Variants in SCHIP1 observed in about 807,000 individuals in gnomAD.
SCHIP1 encodes schwannomin-interacting protein 1.
SCHIP1 carries 8 observed loss-of-function variants against 29.7 expected under a neutral mutation model. The ratio of observed to expected loss-of-function variants is 0.27; its 90% CI spans 0.16 to 0.49. The LOEUF (loss-of-function observed/expected upper bound fraction) is 0.49. Among genes scored for constraint, SCHIP1 ranks in the 20% least tolerant of loss-of-function variants. SCHIP1 has a pLI of 0.99. For synonymous variants in SCHIP1, 76 were observed against 94.9 expected (o/e 0.80, Z 1.16); for missense variants, 193 against 294.6 (o/e 0.66, Z 2.52).
At chr3:159,575,665 G>C in the SCHIP1 span, among the ~76,000 whole-genome samples, 1 of 152,024 alleles carries the variant, frequency 6.6e-6, no homozygotes, top group Non-Finnish European at 1.5e-5. Context: ...AAACTCTTAG[G>C]CTCAAGTGAT....
chr3:159,895,755 G>A (rs773917199), intron 6 of SCHIP1, among the ~76,000 whole-genome samples: 1 of 152,292 alleles, frequency 6.6e-6, no homozygotes, highest in South Asian at 2.1e-4. Flanking sequence ...GAGTGCAATG[G>A]CATGATCTTG....
At chr3:159,711,731 C>G in the SCHIP1 span, among the ~76,000 whole-genome samples, 2 of 152,134 alleles carry the variant, frequency 1.3e-5, no homozygotes, top group African/African-American at 4.8e-5. Flanking sequence ...ACCACTCTAG[C>G]TATTTTAAGC....
chr3:159,476,599 A>G, the SCHIP1 span, among the ~76,000 whole-genome samples: 1 of 152,174 alleles, frequency 6.6e-6, no homozygotes, highest in Non-Finnish European at 1.5e-5. Flanking sequence ...CACAATAAAA[A>G]CTAGACCATT....
At chr3:159,809,168 T>C in the SCHIP1 span, among the ~76,000 whole-genome samples, 1 of 139,106 alleles carries the variant, frequency 7.2e-6, no homozygotes. Flanking sequence ...CCCCAGTGTG[T>C]GATGTTCCCT....
At chr3:159,693,556 C>T in the SCHIP1 span, among the ~76,000 whole-genome samples, 1 of 152,176 alleles carries the variant, frequency 6.6e-6, no homozygotes, top group African/African-American at 2.4e-5. Context: ...TATAGTGTCT[C>T]TTTCAGCTAG....
the SCHIP1 span, among the ~76,000 whole-genome samples, chr3:159,341,401 C>G: frequency 2.0e-5 from 3 of 152,108 alleles, no homozygotes; most frequent in Non-Finnish European, 1.5e-5. Flanking sequence ...TCTTTCTCAG[C>G]TTTTCTTGTC....
At chr3:159,714,773 C>T in the SCHIP1 span, among the ~76,000 whole-genome samples, 1 of 152,226 alleles carries the variant, frequency 6.6e-6, no homozygotes, top group African/African-American at 2.4e-5. Context: ...GAGCCCACCT[C>T]AGCTCAAGGA....
chr3:159,865,796 A>C (rs1714559106), intron 1 of SCHIP1, among the ~76,000 whole-genome samples: 1 of 152,228 alleles, frequency 6.6e-6, no homozygotes, highest in African/African-American at 2.4e-5. Context: ...GAAAGGGCAC[A>C]TTTGGGATCA....
chr3:159,816,761 C>G, the SCHIP1 span, among the ~76,000 whole-genome samples: 1 of 152,230 alleles, frequency 6.6e-6, no homozygotes, highest in African/African-American at 2.4e-5. Flanking sequence ...CCCTTGTACT[C>G]TAACAAAACC....
the SCHIP1 span, among the ~76,000 whole-genome samples, chr3:159,279,409 G>A: frequency 5.3e-5 from 8 of 152,028 alleles, no homozygotes; most frequent in South Asian, 2.1e-4. Context: ...ACCCAGTCTC[G>A]GATATTTCTT....
At chr3:159,540,287 C>T in the SCHIP1 span, among the ~76,000 whole-genome samples, 5 of 152,038 alleles carry the variant, frequency 3.3e-5, no homozygotes, top group Non-Finnish European at 7.4e-5. Flanking sequence ...TAGAAAGGTA[C>T]TTTCTTTCCT....
the SCHIP1 span, among the ~76,000 whole-genome samples, chr3:159,724,171 C>T: frequency 3.3e-5 from 5 of 152,118 alleles, no homozygotes; most frequent in African/African-American, 1.2e-4. Context: ...ATTTGTATTT[C>T]TTCTCTTATT....
At chr3:159,648,558 C>G in the SCHIP1 span, among the ~76,000 whole-genome samples, 1 of 152,152 alleles carries the variant, frequency 6.6e-6, no homozygotes, top group Non-Finnish European at 1.5e-5. Context: ...ATTATAGAAA[C>G]TGCTACTTAT....
the SCHIP1 span, among the ~76,000 whole-genome samples, chr3:159,810,132 G>A: frequency 2.0e-5 from 3 of 152,136 alleles, no homozygotes; most frequent in African/African-American, 2.4e-5. Flanking sequence ...TGCAACCTCC[G>A]CCTCCCGGGT....
chr3:159,640,361 T>C, the SCHIP1 span, among the ~76,000 whole-genome samples: 1 of 152,126 alleles, frequency 6.6e-6, no homozygotes, highest in African/African-American at 2.4e-5. Flanking sequence ...TTTCTCAGAG[T>C]CAATTCCACA....
the SCHIP1 span, among the ~76,000 whole-genome samples, chr3:159,328,182 G>A: frequency 8.5e-5 from 13 of 152,128 alleles, no homozygotes; most frequent in Non-Finnish European, 1.5e-4. Flanking sequence ...TATTTCTCAA[G>A]TTCTCAAGCC....
At chr3:159,721,888 G>A in the SCHIP1 span, 1 of 431,420 alleles carries the variant, frequency 2.3e-6, no homozygotes, top group Non-Finnish European at 4.7e-6. Flanking sequence ...TGGCTAGAAA[G>A]CATCTCCTCT....
the SCHIP1 span, among the ~76,000 whole-genome samples, chr3:159,602,893 G>C: frequency 6.6e-6 from 1 of 152,120 alleles, no homozygotes; most frequent in Non-Finnish European, 1.5e-5. Flanking sequence ...CACTTCCACA[G>C]ATACCACCTG....
chr3:159,596,358 A>G, the SCHIP1 span, among the ~76,000 whole-genome samples: 2 of 152,232 alleles, frequency 1.3e-5, no homozygotes, highest in Non-Finnish European at 2.9e-5. Flanking sequence ...GTGGAACTGT[A>G]AACTAGTTCA....
Sources: gnomAD v4.1 joint callset for allele counts (sites outside exome capture counted in the v4.1 genomes callset) on GRCh38, gnomAD v4.1.1 for gene constraint, MANE v1.5 for transcripts, NCBI Gene and HGNC (gene_info 2026-07-23, HGNC 2026-07-21) for gene names.